The following MEGF11 variants were observed in gnomAD, a reference collection of about 807,000 sequenced individuals.
MEGF11 encodes the protein multiple EGF like domains 11, also known as multiple epidermal growth factor-like domains protein 11.
A neutral mutation model predicts 146.6 loss-of-function variants in MEGF11; 126 were observed. The observed-to-expected ratio is 0.86, with a 90% confidence interval of 0.74 to 1.00. The LOEUF (loss-of-function observed/expected upper bound fraction) is 1.00, where lower values mean the gene tolerates loss of function less well. MEGF11 is among the 50% of genes least tolerant of loss of function. The pLI is 0.00. For synonymous variants in MEGF11, 532 were observed against 583.4 expected, an observed-to-expected ratio of 0.91 and a Z score of 1.27; for missense variants, 1,509 against 1,521.2, an observed-to-expected ratio of 0.99 and a Z score of 0.13.
chr15:66,048,247 G>A (rs2084302689), intron 5 of MEGF11, among the ~76,000 whole-genome samples: 1 of 152,214 alleles, frequency 6.6e-6, no homozygotes. Flanking sequence ...CGCCCAGCCA[G>A]GAGGAGGGTT....
intron 5 of MEGF11, among the ~76,000 whole-genome samples, chr15:66,038,094 G>T: frequency 6.6e-6 from 1 of 152,186 alleles, no homozygotes; most frequent in Non-Finnish European, 1.5e-5. Context: ...AGGCAGAAAA[G>T]GAGACAAGCC....
intron 7 of MEGF11, 47 bp from the exon 8 acceptor site, chr15:65,970,736 C>A: frequency 6.4e-7 from 1 of 1,564,788 alleles, no homozygotes; most frequent in South Asian, 1.2e-5. Flanking sequence ...CCAGAAATGC[C>A]AAACTTTCCT....
intron 1 of MEGF11, among the ~76,000 whole-genome samples, chr15:66,171,775 A>T (rs1349402725): frequency 1.4e-5 from 1 of 71,742 alleles, no homozygotes; most frequent in Admixed American, 1.6e-4. Flanking sequence ...AGTTCCCCCC[A>T]CCCCCAGCGC....
intron 5 of MEGF11, among the ~76,000 whole-genome samples, chr15:66,060,172 C>T (rs192909249): frequency 7.9e-4 from 120 of 150,944 alleles, no homozygotes; most frequent in East Asian, 3.7e-3. Flanking sequence ...GTGGGGTTGA[C>T]GGCTAAGGAG....
intron 1 of MEGF11, among the ~76,000 whole-genome samples, chr15:66,167,866 G>A (rs1284983593): frequency 6.6e-6 from 1 of 152,198 alleles, no homozygotes; most frequent in South Asian, 2.1e-4. Flanking sequence ...GTGAGGCCGG[G>A]GGGAAGGGGC....
chr15:65,926,853 C>T (rs1426508692), intron 13 of MEGF11, among the ~76,000 whole-genome samples: 1 of 152,194 alleles, frequency 6.6e-6, no homozygotes, highest in Non-Finnish European at 1.5e-5. Context: ...TTCCACTTGG[C>T]TCCTGCTGAG....
intron 1 of MEGF11, among the ~76,000 whole-genome samples, chr15:66,224,821 G>A (rs1421616252): frequency 6.6e-6 from 1 of 151,174 alleles, no homozygotes; most frequent in South Asian, 2.1e-4. Context: ...TATTTCCCCA[G>A]ATGGGGGAGT....
chr15:65,978,346 G>A (rs1483827226), intron 7 of MEGF11, among the ~76,000 whole-genome samples: 5 of 152,324 alleles, frequency 3.3e-5, no homozygotes, highest in Non-Finnish European at 5.9e-5. Context: ...TGCACAAGGG[G>A]TATTAATGAT....
rs764644657 is a variant in MEGF11 at position 65,898,127 on chromosome 15, A to G, written c.3263-33T>C. 7 of 1,591,768 alleles carry G rather than the reference A, an allele frequency of 4.4e-6. No homozygotes were observed. The Admixed American group carries it at 1.1e-4, about 24-fold the overall frequency. ...ATATAGTGAAAAATGAGTTCAGAGA[A>G]CAGATTAGCTTTGGTTGCCTTGTTG... On this transcript the variant is annotated intron_variant, in intron 25 of 25. Coordinates refer to ENST00000395614, the MANE Select transcript of MEGF11 (RefSeq NM_001385028.1).
At chr15:66,173,533 T>G (rs2090318162) in intron 1 of MEGF11, among the ~76,000 whole-genome samples, 1 of 152,120 alleles carries the variant, frequency 6.6e-6, no homozygotes, top group Admixed American at 6.5e-5. Context: ...GCCAGGCTGG[T>G]CTCAAACTCC....
rs1596827545 is a variant in MEGF11, at chr15:65,913,873, C to T, written c.2574G>A (p.Leu858=). The T allele has an allele frequency of 6.2e-7, 1 of 1,614,042 alleles. No individual in the cohort carries two copies. Among genetic ancestry groups the T allele is most frequent in the Non-Finnish European group, 8.5e-7 (1 of 1,179,894 alleles). Residue 858 remains leucine, a synonymous_variant, in exon 20 of 26, where the codon CTG becomes CTA. Transcript: ENST00000395614. ...SVGAVTGIML[L]LFLIVVLLGL... Reference sequence around the variant, plus strand: ...CCAGCAGCACCACAATGAGGAATAACAGGAGCATGATGCCTGTGACAGCAC... The same window carrying T: ...CCAGCAGCACCACAATGAGGAATAATAGGAGCATGATGCCTGTGACAGCAC...
rs1003791000 is a variant in MEGF11, at chr15:65,949,602, C to T, written c.1287+7945G>A. On this transcript the variant is annotated intron_variant, in intron 10 of 25. Transcript: ENST00000395614. Reference sequence around the variant, plus strand: ...ACTGGAGCCCCTCTCCTCTGCTTCCCGCATTCCCGTCTCCATCACAGTGGA... The same window carrying T: ...ACTGGAGCCCCTCTCCTCTGCTTCCTGCATTCCCGTCTCCATCACAGTGGA... Among the ~76,000 whole-genome samples, 22 of 152,306 alleles carry T rather than the reference C, an allele frequency of 1.4e-4. No homozygotes were observed. In the East Asian group the frequency reaches 2.5e-3, roughly 17 times the overall value.
rs767762493 is a variant in MEGF11 at position 65,915,518 on chromosome 15, C to A, written c.2425G>T (p.Gly809Cys). The change falls in exon 19 of 26, where the codon GGC (glycine) becomes TGC (cysteine). Residue 809 changes from glycine (G) to cysteine (C), a missense_variant. Physicochemically the swap from Gly to Cys is radical, Grantham distance 159. Coordinates refer to ENST00000395614, the MANE Select transcript of MEGF11 (RefSeq NM_001385028.1). ...AAGCCAGGGCTGCAGTAACAGGTGC[C>A]GGTGACATGGTCACAGGTGGAGTTG... ...MNNSTCDHVT[G>C]TCYCSPGFKG... The A allele has an allele frequency of 6.2e-7, 1 of 1,613,932 alleles. No homozygotes were observed. Among genetic ancestry groups the A allele is most frequent in the Admixed American group, 1.7e-5 (1 of 60,012 alleles).
chr15:66,093,218 C>T (rs116825091), intron 5 of MEGF11, among the ~76,000 whole-genome samples: 1,980 of 152,292 alleles, frequency 0.013, 41 homozygotes, highest in African/African-American at 0.045. Flanking sequence ...AGGCTCAAAA[C>T]AAAGCCACAT....
intron 5 of MEGF11, among the ~76,000 whole-genome samples, chr15:66,081,460 C>T (rs920307884): frequency 6.6e-6 from 1 of 152,196 alleles, no homozygotes; most frequent in Non-Finnish European, 1.5e-5. Context: ...CTCACTGCAA[C>T]CTCCGCCTCC....
At chr15:66,053,118 G>T (rs1198999474) in intron 5 of MEGF11, among the ~76,000 whole-genome samples, 1 of 152,092 alleles carries the variant, frequency 6.6e-6, no homozygotes, top group Non-Finnish European at 1.5e-5. Context: ...GTGAATGGGT[G>T]GGTGGGCCAG....
At chr15:66,027,185 A>G (rs1191446474) in intron 5 of MEGF11, among the ~76,000 whole-genome samples, 3 of 152,186 alleles carry the variant, frequency 2.0e-5, no homozygotes, top group African/African-American at 7.2e-5. Context: ...ACACTTCCAG[A>G]CTGATCAGCA....
chr15:65,910,286 CAG>C (rs1366064925), intron 21 of MEGF11, among the ~76,000 whole-genome samples: 2 of 152,166 alleles, frequency 1.3e-5, no homozygotes, highest in African/African-American at 2.4e-5. Flanking sequence ...AGCTTCAGAA[CAG>C]AGTGTCTTGA....
intron 20 of MEGF11, 36 bp from the exon 21 acceptor site, chr15:65,912,236 C>G: frequency 8.4e-7 from 1 of 1,184,548 alleles, no homozygotes; most frequent in Non-Finnish European, 1.1e-6. Context: ...ACCATCATAC[C>G]CCTGCCCCTG....
Sources: allele counts gnomAD v4.1 joint callset (sites outside exome capture counted in the v4.1 genomes callset), GRCh38; gene constraint gnomAD v4.1.1; transcripts MANE v1.5; gene names NCBI Gene and HGNC (gene_info 2026-07-23, HGNC 2026-07-21).